MAU2: variants seen among roughly 807,000 people sequenced by gnomAD.
The protein encoded by MAU2 is MAU2 sister chromatid cohesion factor, also known as MAU2 chromatid cohesion factor homolog.
In MAU2, 9 loss-of-function variants were observed where a neutral mutation model predicts 89.1. The observed-to-expected ratio is 0.10, with a 90% CI of 0.06 to 0.18. MAU2 has a LOEUF of 0.18. Ranked by LOEUF, MAU2 falls within the 10% of genes least tolerant of loss-of-function variation. MAU2 has a pLI of 1.00. For synonymous variants in MAU2, 357 were observed against 343.4 expected (o/e 1.04, Z -0.44); for missense variants, 425 against 803.5 (o/e 0.53, Z 5.69).
Position 19,356,892 on chromosome 19 carries a change from A to C in MAU2, c.*1110A>C, listed in dbSNP as rs1179995009. 6.6e-6 allele frequency: 1 copy of C among 152,250 alleles called. No individual in the cohort carries two copies. Among genetic ancestry groups the C allele is most frequent in the Non-Finnish European group, 1.5e-5 (1 of 68,096 alleles). 9.4% of individuals were successfully genotyped at this position (152,250 alleles called of 1,614,324 possible). Reference sequence around the variant, plus strand: ...GGTGCCCCAGTGGTCACAGTGTGGCATTCCGAGTTGGGGCGGGTGGTCGGG... The same window carrying C: ...GGTGCCCCAGTGGTCACAGTGTGGCCTTCCGAGTTGGGGCGGGTGGTCGGG... On this transcript the variant is annotated 3_prime_UTR_variant, in exon 19 of 19. Transcript: ENST00000262815.
In MAU2 at chr19:19,342,724, C is replaced by T. The variant is rs375812272; in HGVS notation, c.882+43C>T. On this transcript the variant is annotated intron_variant, in intron 8 of 18. Coordinates refer to ENST00000262815, the MANE Select transcript of MAU2 (RefSeq NM_015329.4). ...CCCGGGCCAGGGCTGGGGGCGGGGG[C>T]AGGGAGAGGGAGAGGGCCCTGGTAA... 6.2e-6 allele frequency: 10 copies of T among 1,613,084 alleles called. No individual in the cohort carries two copies. In the African/African-American group the frequency reaches 1.2e-4, roughly 19 times the overall value.
At chr19:19,334,233 G>A (rs1470228073) in intron 1 of MAU2, 2 of 985,322 alleles carry the variant, frequency 2.0e-6, no homozygotes, top group African/African-American at 1.7e-5. Flanking sequence ...TGCTGGCCCC[G>A]CCACTCTGAG....
chr19:19,354,155 T>G, intron 16 of MAU2, 200 bp from the exon 17 acceptor site: 1 of 605,322 alleles, frequency 1.7e-6, no homozygotes, highest in South Asian at 1.8e-5. Context: ...TGAGGGCAGT[T>G]TGTTTTTCAG....
chr19:19,339,551 T>TTTG (rs1457457364), intron 5 of MAU2: 1 of 151,778 alleles, frequency 6.6e-6, no homozygotes, highest in Non-Finnish European at 1.5e-5. Flanking sequence ...CGCGTTTTTT[T>TTTG]TTGTTGTTTT....
At chr19:19,351,206 T>C (rs1347330703) in intron 16 of MAU2, among the ~76,000 whole-genome samples, 1 of 151,684 alleles carries the variant, frequency 6.6e-6, no homozygotes, top group Non-Finnish European at 1.5e-5. Flanking sequence ...TGTGCCACCA[T>C]GCTCAGCTAA....
Position 19,355,944 on chromosome 19 carries a change from T to C in MAU2, c.*162T>C, listed in dbSNP as rs1336992712. 1 of 746,844 alleles carries C rather than the reference T, an allele frequency of 1.3e-6. No individual in the cohort carries two copies. The highest frequency in any genetic ancestry group is 2.0e-5 in the Admixed American group (1 of 50,008). The allele number at this position is 746,844 out of a possible 1,614,324, so 46.3% of individuals were successfully genotyped here. ...CCAGTCCCTGCCCTCCCAGGAGGGG[T>C]GGTAGCCGTTCCCACCTCGCAGCAG... On this transcript the variant is annotated 3_prime_UTR_variant, in exon 19 of 19. Transcript: ENST00000262815.
intron 1 of MAU2, 132 bp downstream of exon 1, chr19:19,321,267 G>A (rs2061452440): frequency 9.0e-7 from 1 of 1,107,962 alleles, no homozygotes; most frequent in Non-Finnish European, 1.2e-6. Flanking sequence ...AAAGCCGCAG[G>A]ACCCCCACCC....
chr19:19,335,872 C>T (rs1405175453), intron 2 of MAU2, 137 bp downstream of exon 2: 2 of 999,096 alleles, frequency 2.0e-6, no homozygotes, highest in Non-Finnish European at 3.1e-6. Flanking sequence ...GGAGTGTCCC[C>T]CACCTGGCCC....
intron 10 of MAU2, 28 bp downstream of exon 10, chr19:19,343,968 A>G: frequency 6.3e-7 from 1 of 1,579,440 alleles, no homozygotes; most frequent in Middle Eastern, 1.7e-4. Flanking sequence ...AGGGGCGGGA[A>G]GGCCCAGGAG....
chr19:19,331,981 G>T (rs1184182546), intron 1 of MAU2, among the ~76,000 whole-genome samples: 2 of 152,214 alleles, frequency 1.3e-5, no homozygotes, highest in Non-Finnish European at 2.9e-5. Flanking sequence ...TGTCTGAAAG[G>T]CATACGCCTC....
chr19:19,322,961 G>A (rs950623193), intron 1 of MAU2, among the ~76,000 whole-genome samples: 2 of 152,152 alleles, frequency 1.3e-5, no homozygotes, highest in Admixed American at 1.3e-4. Flanking sequence ...CAGGATCTCA[G>A]CCCACTGCAA....
chr19:19,349,475 TG>T, intron 16 of MAU2, 39 bp downstream of exon 16: 2 of 1,577,586 alleles, frequency 1.3e-6, no homozygotes. Context: ...TGGGTGCCTG[TG>T]GGGCTTGGCT....
intron 1 of MAU2, among the ~76,000 whole-genome samples, chr19:19,331,714 C>T (rs1351833416): frequency 6.6e-6 from 1 of 151,826 alleles, no homozygotes; most frequent in East Asian, 1.9e-4. Flanking sequence ...CCAGCCTGTG[C>T]AGCATAGCAA....
intron 10 of MAU2, chr19:19,344,515 ATTG>A (rs1215258825): frequency 2.8e-5 from 11 of 391,806 alleles, no homozygotes; most frequent in Non-Finnish European, 5.2e-5. Flanking sequence ...TTTGACAGTG[ATTG>A]TTATACCCCA....
chr19:19,355,866 G>A lies in MAU2; in HGVS notation c.*84G>A, dbSNP rs539824771. On this transcript the variant is annotated 3_prime_UTR_variant, in exon 19 of 19. Coordinates refer to ENST00000262815, the MANE Select transcript of MAU2 (RefSeq NM_015329.4). The stretch of plus-strand genomic sequence containing the variant: ...CGGCACTCAAGCCTGCCCCCGAGGC[G>A]TGCTTCCTTCCTGATTGTCTCTAGA... 21 of 1,272,376 alleles carry A rather than the reference G, an allele frequency of 1.7e-5. No homozygotes were observed. Among genetic ancestry groups the A allele is most frequent in the Admixed American group, 1.0e-4 (6 of 59,320 alleles). The allele number at this position is 1,272,376 out of a possible 1,614,324, so 78.8% of individuals were successfully genotyped here. A position where few individuals can be genotyped will look rare whatever the true frequency, so the allele number is the denominator to read the frequency against.
chr19:19,325,636 T>C (rs1042887086), intron 1 of MAU2, among the ~76,000 whole-genome samples: 1 of 152,062 alleles, frequency 6.6e-6, no homozygotes, highest in African/African-American at 2.4e-5. Flanking sequence ...TGTGCCACCA[T>C]GCCCAGCTAA....
At chr19:19,340,638 C>CA (rs1415953570) in intron 5 of MAU2, among the ~76,000 whole-genome samples, 3 of 151,796 alleles carry the variant, frequency 2.0e-5, no homozygotes, top group East Asian at 1.9e-4. Flanking sequence ...GACTCCGTCT[C>CA]AAAAAAATAA....
chr19:19,326,654 C>A (rs1342850212), intron 1 of MAU2, among the ~76,000 whole-genome samples: 2 of 116,602 alleles, frequency 1.7e-5, no homozygotes, highest in African/African-American at 5.9e-5. Flanking sequence ...CCACTGCACT[C>A]CAGACTGGGC....
rs1050342953 is a variant in MAU2 at position 19,352,141 on chromosome 19, G to A, written c.1549-2214G>A. On this transcript the variant is annotated intron_variant, in intron 16 of 18. Coordinates refer to ENST00000262815, the MANE Select transcript of MAU2 (RefSeq NM_015329.4). Reference sequence around the variant, plus strand: ...TGGGATTACAGACGTGAGCCACTGGGTAATTTTATATTTGCCTTTCTCCAC... The same window carrying A: ...TGGGATTACAGACGTGAGCCACTGGATAATTTTATATTTGCCTTTCTCCAC... The A allele has an allele frequency of 2.0e-5, 3 of 151,320 alleles. No individual in the cohort carries two copies. In the East Asian group the frequency reaches 5.8e-4, roughly 29 times the overall value. The allele number at this position is 151,320 out of a possible 1,614,324, so 9.4% of individuals were successfully genotyped here.
Sources: gnomAD v4.1 joint callset for allele counts (sites outside exome capture counted in the v4.1 genomes callset) on GRCh38, gnomAD v4.1.1 for gene constraint, MANE v1.5 for transcripts, NCBI Gene and HGNC (gene_info 2026-07-23, HGNC 2026-07-21) for gene names.